LRP2: variants seen among roughly 807,000 people sequenced by gnomAD.
LRP2 encodes the protein LDL receptor related protein 2, also known as low-density lipoprotein receptor-related protein 2.
Under a neutral mutation model 531.0 loss-of-function variants are expected in LRP2, and 172 were observed. That is an observed-to-expected ratio of 0.32 (90% CI 0.29 to 0.37). The LOEUF (loss-of-function observed/expected upper bound fraction) is 0.37. Among genes scored for constraint, LRP2 ranks in the 10% least tolerant of loss-of-function variants. The pLI is 1.00. For synonymous variants in LRP2, 1,992 were observed against 2,027.6 expected (o/e 0.98, Z 0.47); for missense variants, 5,167 against 5,868.3 (o/e 0.88, Z 3.90).
Position 169,152,985 on chromosome 2 carries a change from G to A in LRP2, c.12296-21C>T, listed in dbSNP as rs374186136. ...AACACCTACAGAGGAAGACACACAG[G>A]TCAGTTTCATGTCAAGAGCATCAAG... On this transcript the variant is annotated intron_variant, in intron 66 of 78. Coordinates refer to ENST00000649046, the MANE Select transcript of LRP2 (RefSeq NM_004525.3). 3.7e-6 allele frequency: 6 copies of A among 1,612,406 alleles called. No individual in the cohort carries two copies. The African/African-American group carries it at 5.3e-5, about 14-fold the overall frequency.
intron 1 of LRP2, among the ~76,000 whole-genome samples, chr2:169,323,855 A>T (rs1044158267): frequency 3.1e-3 from 1 of 324 alleles, no homozygotes; most frequent in East Asian, 0.25. Context: ...TGCCTGATTA[A>T]AAAAAAAAAA....
chr2:169,263,500 C>T (rs1395504646), intron 16 of LRP2, among the ~76,000 whole-genome samples: 2 of 150,902 alleles, frequency 1.3e-5, no homozygotes, highest in Non-Finnish European at 3.0e-5. Context: ...AAAAAATGCT[C>T]ACCATCACTG....
chr2:169,264,273 T>A (rs1442895677), intron 16 of LRP2, among the ~76,000 whole-genome samples: 1 of 151,350 alleles, frequency 6.6e-6, no homozygotes, highest in Non-Finnish European at 1.5e-5. Flanking sequence ...AATAAAAAAA[T>A]TAAAAAAAGG....
At chr2:169,292,079 G>T (rs574718520) in intron 7 of LRP2, among the ~76,000 whole-genome samples, 174 bp downstream of exon 7, 1 of 152,264 alleles carries the variant, frequency 6.6e-6, no homozygotes, top group Admixed American at 6.5e-5. Context: ...GGAGAAGTTA[G>T]CGCAGTCACC....
intron 35 of LRP2, among the ~76,000 whole-genome samples, chr2:169,214,970 G>A (rs1226277457): frequency 6.6e-6 from 1 of 152,010 alleles, no homozygotes; most frequent in African/African-American, 2.4e-5. Context: ...GAGAAATAAG[G>A]GAACTACACT....
intron 1 of LRP2, among the ~76,000 whole-genome samples, chr2:169,321,162 T>C (rs1356909701): frequency 6.6e-6 from 1 of 152,204 alleles, no homozygotes; most frequent in African/African-American, 2.4e-5. Flanking sequence ...TTTTTAAAAA[T>C]ACTTGATCTT....
intron 7 of LRP2, 142 bp downstream of exon 7, chr2:169,292,111 G>A: frequency 1.4e-6 from 1 of 710,466 alleles, no homozygotes; most frequent in Non-Finnish European, 2.5e-6. Flanking sequence ...CACCCACTAA[G>A]TTCCTAAACA....
chr2:169,205,510 C>T lies in LRP2; in HGVS notation c.7684G>A (p.Glu2562Lys), dbSNP rs1688345367. 2.5e-6 allele frequency: 4 copies of T among 1,614,030 alleles called. No individual in the cohort carries two copies. The highest frequency in any genetic ancestry group is 2.5e-6 in the Non-Finnish European group (3 of 1,180,020). The change falls in exon 41 of 79, where the codon GAG becomes AAG. Residue 2562 changes from glutamate (E) to lysine (K), a missense_variant. By Grantham distance (56) the Glu-to-Lys change is moderately conservative. Transcript: ENST00000649046. The part of the protein sequence containing the change: ...MPSGLTLDYE[E>K]DLLYWVDASL... ...GCATCCACCCAGTAGAGAAGGTCCT[C>T]TTCATAGTCCAGAGTCAGCCCACTG...
chr2:169,241,325 C>T lies in LRP2; in HGVS notation c.3708G>A (p.Gln1236=). 3 of 1,614,146 alleles carry T rather than the reference C, an allele frequency of 1.9e-6. No individual in the cohort carries two copies. Among genetic ancestry groups the T allele is most frequent in the Non-Finnish European group, 2.5e-6 (3 of 1,180,018 alleles). ...PPGMCHSDEF[Q]CQEDGICIPN... ...GGATGCAGATACCATCTTCTTGGCA[C>T]TGAAATTCATCTGAGTGGCACATAC... The change falls in exon 25 of 79, where the codon CAG becomes CAA. Residue 1236 remains glutamine (Q), a synonymous_variant. Coordinates refer to ENST00000649046, the MANE Select transcript of LRP2 (RefSeq NM_004525.3).
intron 58 of LRP2, 48 bp downstream of exon 58, chr2:169,171,967 A>C (rs770904865): frequency 6.2e-7 from 1 of 1,612,496 alleles, no homozygotes; most frequent in South Asian, 1.1e-5. Context: ...AAAAGCAAAC[A>C]TCACAGCTCT....
chr2:169,324,726 T>C (rs1308151530), intron 1 of LRP2, among the ~76,000 whole-genome samples: 1 of 151,958 alleles, frequency 6.6e-6, no homozygotes, highest in Non-Finnish European at 1.5e-5. Flanking sequence ...AGATAAGATA[T>C]TAGAGTAACA....
chr2:169,299,644 C>A (rs1684238419), intron 4 of LRP2, among the ~76,000 whole-genome samples: 1 of 151,764 alleles, frequency 6.6e-6, no homozygotes, highest in Non-Finnish European at 1.5e-5. Context: ...AAGTAAGATG[C>A]CTTCTAAGGG....
intron 3 of LRP2, among the ~76,000 whole-genome samples, chr2:169,308,643 C>T (rs942564400): frequency 3.3e-5 from 5 of 152,042 alleles, no homozygotes; most frequent in Non-Finnish European, 7.4e-5. Flanking sequence ...TTGGGTTGGT[C>T]CCAAGTCTTT....
chr2:169,167,485 C>T (rs576056500), intron 61 of LRP2, among the ~76,000 whole-genome samples: 1 of 152,230 alleles, frequency 6.6e-6, no homozygotes, highest in South Asian at 2.1e-4. Flanking sequence ...CTTTAGTTTG[C>T]ATCAGAATCA....
At chr2:169,324,609 A>G (rs2105522110) in intron 1 of LRP2, among the ~76,000 whole-genome samples, 1 of 149,730 alleles carries the variant, frequency 6.7e-6, no homozygotes, top group South Asian at 2.1e-4. Context: ...TTCCAACCTC[A>G]TAAAGAGCCC....
rs1273048505 is a variant in LRP2 at position 169,188,279 on chromosome 2, T to A, written c.9033-14A>T. 3.1e-6 allele frequency: 5 copies of A among 1,613,688 alleles called. No individual in the cohort carries two copies. ...TGCCGGTCACACCTGTATCATGAGA[T>A]CCAGTACCACTTTCAGAGAGGTTGG... On this transcript the variant is annotated splice_polypyrimidine_tract_variant and intron_variant, in intron 48 of 78. Coordinates refer to ENST00000649046, the MANE Select transcript of LRP2 (RefSeq NM_004525.3).
intron 72 of LRP2, among the ~76,000 whole-genome samples, chr2:169,140,168 G>A (rs1454816771): frequency 6.6e-6 from 1 of 152,206 alleles, no homozygotes; most frequent in African/African-American, 2.4e-5. Context: ...TCCCCAAAGT[G>A]TGGTCCAAGA....
At chr2:169,270,496 T>C (rs1364121395) in intron 16 of LRP2, among the ~76,000 whole-genome samples, 3 of 150,464 alleles carry the variant, frequency 2.0e-5, no homozygotes, top group Non-Finnish European at 4.4e-5. Context: ...CTCAGCAAAC[T>C]ATTGCAAGGA....
intron 1 of LRP2, among the ~76,000 whole-genome samples, chr2:169,333,712 T>C (rs143079290): frequency 6.6e-4 from 101 of 152,306 alleles, no homozygotes; most frequent in East Asian, 2.5e-3. Context: ...AATACTCTCA[T>C]GGTAGAATGA....
Sources: allele counts gnomAD v4.1 joint callset (sites outside exome capture counted in the v4.1 genomes callset), GRCh38; gene constraint gnomAD v4.1.1; transcripts MANE v1.5; gene names NCBI Gene and HGNC (gene_info 2026-07-23, HGNC 2026-07-21).